The following PCDHGA7 variants were observed in gnomAD, a reference collection of about 807,000 sequenced individuals.
PCDHGA7 encodes the protein protocadherin gamma subfamily A, 7.
In PCDHGA7, 44 loss-of-function variants were observed where a neutral mutation model predicts 58.3. The ratio of observed to expected loss-of-function variants is 0.75; its 90% CI spans 0.59 to 0.97. The LOEUF (loss-of-function observed/expected upper bound fraction) is 0.97. Ranked by LOEUF, PCDHGA7 falls within the 50% of genes least tolerant of loss-of-function variation. The pLI, the probability that PCDHGA7 is intolerant of heterozygous loss-of-function variation, is 0.00. For synonymous variants in PCDHGA7, 516 were observed against 504.2 expected (o/e 1.02, Z -0.31); for missense variants, 1,266 against 1,188.7 (o/e 1.06, Z -0.96).
At chr5:141,387,499 T>A (rs57697403) in intron 1 of PCDHGA7, among the ~76,000 whole-genome samples, 12,383 of 152,290 alleles carry the variant, frequency 0.081, 653 homozygotes, top group African/African-American at 0.15. Context: ...TAAGAGTACA[T>A]TTTTAGACGT....
chr5:141,390,448 A>AGT, intron 1 of PCDHGA7: 1 of 845,308 alleles, frequency 1.2e-6, no homozygotes, highest in South Asian at 1.8e-5. Context: ...ACAAAGGAGG[A>AGT]GTAAAGTAGG....
intron 2 of PCDHGA7, 164 bp downstream of exon 2, chr5:141,495,029 G>A: frequency 2.1e-6 from 2 of 968,864 alleles, no homozygotes; most frequent in Non-Finnish European, 2.5e-6. Flanking sequence ...ACAGACCCCG[G>A]AAGGAAGAGG....
intron 1 of PCDHGA7, chr5:141,408,804 A>G (rs577658697): frequency 1.9e-6 from 3 of 1,613,264 alleles, no homozygotes; most frequent in African/African-American, 2.7e-5. Context: ...AAACTCCTAG[A>G]CCGGGAAGAA....
At chr5:141,420,213 G>A in intron 1 of PCDHGA7, 1 of 1,611,648 alleles carries the variant, frequency 6.2e-7, no homozygotes, top group Non-Finnish European at 8.5e-7. Flanking sequence ...AACAAAGATA[G>A]CATGCTACTG....
At chr5:141,418,829 C>T in intron 1 of PCDHGA7, 1 of 1,613,856 alleles carries the variant, frequency 6.2e-7, no homozygotes, top group Non-Finnish European at 8.5e-7. Flanking sequence ...AGCAAAAGAC[C>T]GAGGATCTCT....
In PCDHGA7 at chr5:141,382,914, G is replaced by A; in HGVS notation, c.15G>A (p.Pro5=). Residue 5 remains proline (P), a synonymous_variant, in exon 1 of 4, where the codon CCG becomes CCA. Coordinates refer to ENST00000518325, the MANE Select transcript of PCDHGA7 (RefSeq NM_018920.4). The part of the protein sequence containing the change: MAAQ[P]RGGDYRGFFL... ...GCAGGACGACTATGGCGGCTCAGCC[G>A]AGGGGCGGGGACTACAGAGGATTCT... The A allele has an allele frequency of 6.4e-7, 1 of 1,552,980 alleles. No individual in the cohort carries two copies. Among genetic ancestry groups the A allele is most frequent in the Non-Finnish European group, 8.7e-7 (1 of 1,149,966 alleles).
At chr5:141,413,561 A>G in intron 1 of PCDHGA7, 1 of 1,613,924 alleles carries the variant, frequency 6.2e-7, no homozygotes. Flanking sequence ...GAAGTAACTG[A>G]TATCAATGAC....
At chr5:141,428,088 C>G (rs761980796) in intron 1 of PCDHGA7, 5 of 1,608,920 alleles carry the variant, frequency 3.1e-6, no homozygotes, top group Non-Finnish European at 4.2e-6. Context: ...CAACGCTTGG[C>G]TGTCCTACCA....
rs756216038 is a variant in PCDHGA7, at chr5:141,477,967, C to G, written c.2425-16840C>G. 1.9e-6 allele frequency: 3 copies of G among 1,614,032 alleles called. No homozygotes were observed. Among genetic ancestry groups the G allele is most frequent in the Admixed American group, 3.3e-5 (2 of 59,996 alleles). ...GTCTCTTGGGATCCCCTAACCAGAG[C>G]CTTTTTGCCATAGGGCTGCACACTG... On this transcript the variant is annotated intron_variant, in intron 1 of 3. Transcript: ENST00000518325. The surrounding 1 kb of genome is among the most constrained non-coding windows in gnomAD (Gnocchi z 4.9).
chr5:141,383,095 A>G lies in PCDHGA7; in HGVS notation c.196A>G (p.Ile66Val). ...GGAGCTGGCGGAGCGCGGAGTCCGC[A>G]TCATCTCCAGAGGTAGGACGCAGCT... is the stretch of plus-strand genomic sequence containing the variant. ...PRELAERGVR[I>V]ISRGRTQLFA... The change falls in exon 1 of 4, where the codon ATC becomes GTC. Residue 66 changes from isoleucine to valine, a missense_variant. Physicochemically the swap from Ile to Val is conservative, Grantham distance 29 (BLOSUM62 3). Coordinates refer to ENST00000518325, the MANE Select transcript of PCDHGA7 (RefSeq NM_018920.4). The G allele has an allele frequency of 6.2e-7, 1 of 1,613,956 alleles. No homozygotes were observed. Among genetic ancestry groups the G allele is most frequent in the Non-Finnish European group, 8.5e-7 (1 of 1,179,922 alleles).
intron 1 of PCDHGA7, among the ~76,000 whole-genome samples, chr5:141,481,105 T>C (rs1357970765): frequency 6.6e-6 from 1 of 152,188 alleles, no homozygotes; most frequent in Non-Finnish European, 1.5e-5. Flanking sequence ...CTCTGGAACC[T>C]ACCAATCCAT....
intron 1 of PCDHGA7, among the ~76,000 whole-genome samples, chr5:141,458,526 A>T (rs921943954): frequency 1.7e-4 from 26 of 151,492 alleles, no homozygotes; most frequent in African/African-American, 5.6e-4. Flanking sequence ...TTTTTTTTTA[A>T]CTTATCAACT....
At chr5:141,433,253 G>C (rs1288721469) in intron 1 of PCDHGA7, 1 of 1,416,466 alleles carries the variant, frequency 7.1e-7, no homozygotes, top group East Asian at 2.3e-5. Flanking sequence ...GAATGCAGCG[G>C]TACGATCATA....
At chr5:141,402,087 A>G (rs1388054772) in intron 1 of PCDHGA7, among the ~76,000 whole-genome samples, 1 of 152,224 alleles carries the variant, frequency 6.6e-6, no homozygotes, top group Non-Finnish European at 1.5e-5. Context: ...GAAATAGCAG[A>G]AAAGTTTAAG....
chr5:141,469,510 G>T (rs1022804863), intron 1 of PCDHGA7, among the ~76,000 whole-genome samples: 3 of 152,118 alleles, frequency 2.0e-5, no homozygotes, highest in African/African-American at 7.2e-5. Context: ...GGGAGGTGGA[G>T]GTTGCAGTGA....
intron 1 of PCDHGA7, chr5:141,478,480 G>T: frequency 2.5e-6 from 4 of 1,613,564 alleles, no homozygotes; most frequent in Non-Finnish European, 3.4e-6. Flanking sequence ...GCCAGAACAC[G>T]CTGCGGAGCT....
At chr5:141,461,408 CAT>C (rs1491314585) in intron 1 of PCDHGA7, among the ~76,000 whole-genome samples, 2 of 151,994 alleles carry the variant, frequency 1.3e-5, no homozygotes, top group South Asian at 2.1e-4. Flanking sequence ...AGCATTTTTT[CAT>C]ATGTTTGTGG....
intron 1 of PCDHGA7, chr5:141,388,630 T>G (rs754073337): frequency 6.2e-7 from 1 of 1,613,816 alleles, no homozygotes; most frequent in Admixed American, 1.7e-5. Context: ...GTATACAGGG[T>G]GAGCCTTTCA....
At chr5:141,478,236 T>C (rs2099440813) in intron 1 of PCDHGA7, 3 of 1,614,156 alleles carry the variant, frequency 1.9e-6, no homozygotes, top group Non-Finnish European at 2.5e-6. Flanking sequence ...GGGTTTGTGG[T>C]CACAGTGTTC....
Sources: allele counts gnomAD v4.1 joint callset (sites outside exome capture counted in the v4.1 genomes callset), GRCh38; gene constraint gnomAD v4.1.1; non-coding constraint Gnocchi (gnomAD v3.1); transcripts MANE v1.5; gene names NCBI Gene and HGNC (gene_info 2026-07-23, HGNC 2026-07-21).